The following KLF12 variants were observed in gnomAD, a reference collection of about 807,000 sequenced individuals.
KLF12 encodes KLF transcription factor 12.
In KLF12, 9 loss-of-function variants were observed where a neutral mutation model predicts 37.8. The ratio of observed to expected loss-of-function variants is 0.24; its 90% CI spans 0.14 to 0.42. KLF12 has a LOEUF of 0.42. Ranked by LOEUF, KLF12 falls within the 10% of genes least tolerant of loss-of-function variation. KLF12 has a pLI of 1.00. For missense variants in KLF12, 411 were observed against 516.0 expected, an observed-to-expected ratio of 0.80 and a Z score of 1.97; for synonymous variants, 208 against 202.1, an observed-to-expected ratio of 1.03 and a Z score of -0.25.
chr13:73,988,768 A>G (rs1891891139), intron 2 of KLF12, among the ~76,000 whole-genome samples: 1 of 152,210 alleles, frequency 6.6e-6, no homozygotes, highest in Non-Finnish European at 1.5e-5. Context: ...TAAGTAGCCA[A>G]TTTTCCTAAA....
At chr13:73,877,012 CAAA>C (rs769655605) in intron 3 of KLF12, among the ~76,000 whole-genome samples, 5 of 107,190 alleles carry the variant, frequency 4.7e-5, no homozygotes, top group Admixed American at 1.0e-4. Context: ...GACTCCGTCT[CAAA>C]AAAAAAAAAA....
the KLF12 span, among the ~76,000 whole-genome samples, chr13:74,213,484 AT>A: frequency 6.6e-6 from 1 of 151,670 alleles, no homozygotes. Context: ...AATTGTATCA[AT>A]TTTTTTTGGC....
intron 3 of KLF12, among the ~76,000 whole-genome samples, chr13:73,854,012 T>G (rs924486242): frequency 1.8e-4 from 27 of 152,220 alleles, no homozygotes; most frequent in African/African-American, 6.3e-4. Flanking sequence ...GATTAAGTCC[T>G]ATTATCTTGC....
chr13:73,710,006 A>G (rs1413094320), intron 7 of KLF12, among the ~76,000 whole-genome samples: 2 of 152,206 alleles, frequency 1.3e-5, no homozygotes, highest in Non-Finnish European at 1.5e-5. Flanking sequence ...TATTAGAATA[A>G]TGGGCCCAAA....
intron 3 of KLF12, among the ~76,000 whole-genome samples, chr13:73,930,299 C>T (rs529147242): frequency 5.3e-5 from 8 of 152,210 alleles, no homozygotes; most frequent in African/African-American, 1.7e-4. Context: ...ATTAAATAAA[C>T]TCTATTAAAT....
At chr13:74,190,272 C>T in the KLF12 span, among the ~76,000 whole-genome samples, 1 of 152,076 alleles carries the variant, frequency 6.6e-6, no homozygotes, top group African/African-American at 2.4e-5. Flanking sequence ...GTGAAAAACA[C>T]TATCTTAGTA....
At position 74,062,391 on chromosome 13, in the gene KLF12, G is replaced by A. The variant is rs578155436; in HGVS notation, c.-31-67338C>T. 7.2e-5 allele frequency among the ~76,000 whole-genome samples: 11 copies of A among 152,164 alleles called. No homozygotes were observed. The South Asian group carries it at 1.9e-3, about 26-fold the overall frequency. On this transcript the variant is annotated intron_variant, in intron 1 of 7. Transcript: ENST00000377669. ...GCTGTGTACACTTTTAGATCGTTTC[G>A]GAAGTGGTTAAAACAGCATCCTGTA...
intron 4 of KLF12, among the ~76,000 whole-genome samples, chr13:73,827,062 T>C (rs762845718): frequency 5.5e-4 from 84 of 152,230 alleles, no homozygotes; most frequent in Admixed American, 1.1e-3. Context: ...ATTACAGGCA[T>C]GAGCCTCCGC....
At chr13:73,960,348 A>G in intron 2 of KLF12, 1 of 295,900 alleles carries the variant, frequency 3.4e-6, no homozygotes, top group South Asian at 3.0e-5. Flanking sequence ...GAGCTGATAG[A>G]ACATGGAGTG....
intron 1 of KLF12, among the ~76,000 whole-genome samples, chr13:74,009,585 G>A (rs1892497004): frequency 6.6e-6 from 1 of 152,296 alleles, no homozygotes; most frequent in South Asian, 2.1e-4. Flanking sequence ...TGGGTTTTAG[G>A]GGAACAAGAG....
upstream of KLF12, among the ~76,000 whole-genome samples, chr13:74,138,881 C>A (rs1222798997): frequency 6.6e-6 from 1 of 152,154 alleles, no homozygotes; most frequent in Non-Finnish European, 1.5e-5. Context: ...TCATACTTTC[C>A]CCTCCAGCCT....
chr13:73,867,404 A>G (rs1886228417), intron 3 of KLF12, among the ~76,000 whole-genome samples: 1 of 144,284 alleles, frequency 6.9e-6, no homozygotes, highest in Non-Finnish European at 1.5e-5. Flanking sequence ...ATACATATAT[A>G]CGTGTGTGTG....
At chr13:73,725,788 TG>T (rs2137764550) in intron 6 of KLF12, among the ~76,000 whole-genome samples, 1 of 152,074 alleles carries the variant, frequency 6.6e-6, no homozygotes, top group South Asian at 2.1e-4. Flanking sequence ...TATGGTATCT[TG>T]GGCATTTAAA....
the KLF12 span, among the ~76,000 whole-genome samples, chr13:74,194,081 C>A: frequency 6.6e-6 from 1 of 151,962 alleles, no homozygotes; most frequent in East Asian, 1.9e-4. Flanking sequence ...CTGCAGGCAC[C>A]CTTGGAAGGA....
intron 1 of KLF12, among the ~76,000 whole-genome samples, chr13:74,088,041 G>A (rs80053653): frequency 0.046 from 7,060 of 152,064 alleles, 536 homozygotes; most frequent in African/African-American, 0.16. Flanking sequence ...TTGGAGGAGG[G>A]AGTGGTATCC....
Position 73,719,377 on chromosome 13 carries a change from T to C in KLF12, c.870-3852A>G, listed in dbSNP as rs1358716333. Among the ~76,000 whole-genome samples the C allele has an allele frequency of 2.0e-5, 3 of 149,724 alleles. No homozygotes were observed. The East Asian group carries it at 5.9e-4, about 29-fold the overall frequency. On this transcript the variant is annotated intron_variant, in intron 6 of 7. Transcript: ENST00000377669. ...GGAAAGGTGACAGTCGAGTTACTGG[T>C]ACCAAGTAATTTTGTATTTCCAGAA...
intron 1 of KLF12, among the ~76,000 whole-genome samples, chr13:74,104,948 C>A (rs12868047): frequency 0.019 from 2,957 of 152,226 alleles, 50 homozygotes; most frequent in Middle Eastern, 0.034. Flanking sequence ...CAGCTTTTTA[C>A]CCACCTATAT....
At chr13:74,045,231 T>C (rs1435741800) in intron 1 of KLF12, among the ~76,000 whole-genome samples, 1 of 152,178 alleles carries the variant, frequency 6.6e-6, no homozygotes, top group Non-Finnish European at 1.5e-5. Flanking sequence ...AGGTAATCAA[T>C]GTCAGTATGG....
At position 74,021,003 on chromosome 13, in the gene KLF12, A is replaced by G. The variant is rs141876527; in HGVS notation, c.-31-25950T>C. On this transcript the variant is annotated intron_variant, in intron 1 of 7. Transcript: ENST00000377669. ...TGGTTTTCCATTACCATCAAGATCC[A>G]GACCCCTCGACGTCTGCTACTACAC... 1.4e-3 allele frequency among the ~76,000 whole-genome samples: 213 copies of G among 152,320 alleles called. 2 individuals carry two copies. The highest frequency in any genetic ancestry group is 4.9e-3 in the African/African-American group (205 of 41,572).
Sources: gnomAD v4.1 joint callset for allele counts (sites outside exome capture counted in the v4.1 genomes callset) on GRCh38, gnomAD v4.1.1 for gene constraint, MANE v1.5 for transcripts, NCBI Gene and HGNC (gene_info 2026-07-23, HGNC 2026-07-21) for gene names.